Variants in PCDHA6 observed in about 807,000 individuals in gnomAD.
PCDHA6 encodes protocadherin alpha-6.
Under a neutral mutation model 60.3 loss-of-function variants are expected in PCDHA6, and 55 were observed. The ratio of observed to expected loss-of-function variants is 0.91; its 90% confidence interval spans 0.73 to 1.14. The LOEUF (loss-of-function observed/expected upper bound fraction) is 1.14. PCDHA6 is among the 50% of genes most tolerant of loss of function. PCDHA6 has a pLI of 0.00. For synonymous variants in PCDHA6, 652 were observed against 557.9 expected (o/e 1.17, Z -2.38); for missense variants, 1,327 against 1,256.5 (o/e 1.06, Z -0.85).
chr5:140,834,112 T>C, intron 1 of PCDHA6: 1 of 411,244 alleles, frequency 2.4e-6, no homozygotes. Flanking sequence ...AATTCAGAGT[T>C]TGAAATAAAA....
At chr5:140,841,688 G>A in intron 1 of PCDHA6, 1 of 1,613,948 alleles carries the variant, frequency 6.2e-7, no homozygotes, top group Non-Finnish European at 8.5e-7. Flanking sequence ...GGACGTGGAG[G>A]TGAAGGATGT....
At chr5:140,999,001 C>T (rs1405051280) in intron 3 of PCDHA6, among the ~76,000 whole-genome samples, 3 of 152,214 alleles carry the variant, frequency 2.0e-5, no homozygotes, top group Non-Finnish European at 4.4e-5. Flanking sequence ...AATGCTGGAG[C>T]TGAGATTTGA....
At chr5:140,947,907 C>T (rs2094191786) in intron 1 of PCDHA6, among the ~76,000 whole-genome samples, 1 of 151,546 alleles carries the variant, frequency 6.6e-6, no homozygotes, top group African/African-American at 2.4e-5. Context: ...TGAGAGCAGA[C>T]ATTCTTGCCT....
intron 2 of PCDHA6, among the ~76,000 whole-genome samples, chr5:140,979,586 C>T (rs1554240859): frequency 6.6e-6 from 1 of 152,188 alleles, no homozygotes; most frequent in Admixed American, 6.5e-5. Context: ...CCAAATCTAG[C>T]TTACTTTAAA....
intron 1 of PCDHA6, chr5:140,858,242 C>G (rs1554151322): frequency 6.3e-7 from 1 of 1,596,300 alleles, no homozygotes; most frequent in Non-Finnish European, 8.6e-7. Flanking sequence ...CGCATGTGGG[C>G]CGGTGAAGCC....
In PCDHA6 at chr5:140,857,556, T is replaced by C. The variant is rs781993692; in HGVS notation, c.2394+27071T>C. ...GAGCGGCGGTTGGGCGAGCGCTCGC[T>C]GTCGAGCTACGTGTCGGTGCACGCG... On this transcript the variant is annotated intron_variant, in intron 1 of 3. Coordinates refer to ENST00000529310, the MANE Select transcript of PCDHA6 (RefSeq NM_018909.4). 6 of 1,596,822 alleles carry C rather than the reference T, an allele frequency of 3.8e-6. No homozygotes were observed. In the Admixed American group the frequency reaches 1.0e-4, roughly 27 times the overall value.
intron 1 of PCDHA6, among the ~76,000 whole-genome samples, chr5:140,938,949 G>A (rs943956831): frequency 6.6e-6 from 1 of 152,028 alleles, no homozygotes; most frequent in Non-Finnish European, 1.5e-5. Flanking sequence ...TTCTTATAAT[G>A]CTCTAGTCGG....
intron 1 of PCDHA6, among the ~76,000 whole-genome samples, chr5:140,832,585 T>C (rs1306103831): frequency 6.6e-6 from 1 of 152,188 alleles, no homozygotes; most frequent in African/African-American, 2.4e-5. Context: ...TCTTAGGAAG[T>C]AGAGAACTAT....
chr5:140,872,909 G>A (rs1214412416), intron 1 of PCDHA6, among the ~76,000 whole-genome samples: 7 of 152,076 alleles, frequency 4.6e-5, no homozygotes, highest in African/African-American at 1.7e-4. Flanking sequence ...GCTCTATCTT[G>A]TAATGCCTTA....
At chr5:140,894,151 A>G (rs1554185957) in intron 1 of PCDHA6, among the ~76,000 whole-genome samples, 1 of 152,034 alleles carries the variant, frequency 6.6e-6, no homozygotes, top group Non-Finnish European at 1.5e-5. Flanking sequence ...CTTCTATGTA[A>G]TTATCCCTGA....
intron 1 of PCDHA6, among the ~76,000 whole-genome samples, chr5:140,959,052 A>C (rs992294371): frequency 3.3e-5 from 5 of 152,078 alleles, no homozygotes; most frequent in Admixed American, 6.6e-5. Context: ...ATAGGAAAAA[A>C]TGCAGTATAT....
intron 1 of PCDHA6, chr5:140,856,399 T>C (rs782023286): frequency 6.3e-7 from 1 of 1,598,492 alleles, no homozygotes; most frequent in Non-Finnish European, 8.6e-7. Context: ...AGGTTTTCCA[T>C]GTGGACGTGG....
intron 1 of PCDHA6, chr5:140,877,152 C>A (rs1662783035): frequency 6.2e-7 from 1 of 1,613,688 alleles, no homozygotes; most frequent in Non-Finnish European, 8.5e-7. Context: ...ACGAGAACGA[C>A]AACGCGCCGG....
intron 1 of PCDHA6, among the ~76,000 whole-genome samples, chr5:140,879,771 G>A (rs1413027496): frequency 6.6e-6 from 1 of 152,156 alleles, no homozygotes; most frequent in Admixed American, 6.5e-5. Flanking sequence ...GGAGGCCCCA[G>A]GGAAGAATCT....
chr5:140,853,779 T>G lies in PCDHA6; in HGVS notation c.2394+23294T>G, dbSNP rs958716488. On this transcript the variant is annotated intron_variant, in intron 1 of 3. Coordinates refer to ENST00000529310, the MANE Select transcript of PCDHA6 (RefSeq NM_018909.4). ...ACCTCAGAAATTCTGAAATGGGTAG[T>G]AAGAGCAAATTTTCATTTTAAAGCA... 3.5e-5 allele frequency: 35 copies of G among 987,624 alleles called. No individual in the cohort carries two copies. In the African/African-American group the frequency reaches 6.2e-4, roughly 17 times the overall value. 61.2% of individuals were successfully genotyped at this position (987,624 alleles called of 1,614,324 possible).
chr5:141,010,226 C>G lies in PCDHA6; in HGVS notation c.*289C>G, dbSNP rs1386050566. The G allele has an allele frequency of 1.3e-6, 2 of 1,551,706 alleles. No individual in the cohort carries two copies. Among genetic ancestry groups the G allele is most frequent in the Non-Finnish European group, 1.7e-6 (2 of 1,147,032 alleles). ...CGCCGCAAAGGAGAGGCTTCCCAGC[C>G]CCGCCAGTGAGAGGTTGGACTCTCT... On this transcript the variant is annotated 3_prime_UTR_variant, in exon 4 of 4. Coordinates refer to ENST00000529310, the MANE Select transcript of PCDHA6 (RefSeq NM_018909.4).
Position 140,858,065 on chromosome 5 carries a change from C to T in PCDHA6, c.2394+27580C>T, listed in dbSNP as rs200661444. 1.2e-3 allele frequency: 1,989 copies of T among 1,597,646 alleles called. 147 individuals carry two copies. Among genetic ancestry groups the T allele is most frequent in the Non-Finnish European group, 1.1e-3 (1,233 of 1,167,558 alleles). Reference sequence around the variant, plus strand: ...GCTTGTGTCGCTTGTGGAGGGCAGCCAGGCACCCAAGGCCTCGTCGCGGGC... The same window carrying T: ...GCTTGTGTCGCTTGTGGAGGGCAGCTAGGCACCCAAGGCCTCGTCGCGGGC... On this transcript the variant is annotated intron_variant, in intron 1 of 3. Transcript: ENST00000529310.
intron 1 of PCDHA6, among the ~76,000 whole-genome samples, chr5:140,951,992 A>G (rs1469467629): frequency 6.6e-6 from 1 of 152,212 alleles, no homozygotes; most frequent in Non-Finnish European, 1.5e-5. Flanking sequence ...AAAACCAGCC[A>G]AAAGAAAGAA....
Position 140,828,024 on chromosome 5 carries a change from C to A in PCDHA6, c.-68C>A. ...GCAGAAGAAATGGATTAATAAATTC[C>A]GGAACATACAGTATTTTATCTTTAT... is the stretch of plus-strand genomic sequence containing the variant. On this transcript the variant is annotated 5_prime_UTR_variant, in exon 1 of 4. Transcript: ENST00000529310. 6.6e-7 allele frequency: 1 copy of A among 1,516,842 alleles called. No homozygotes were observed. The highest frequency in any genetic ancestry group is 8.8e-7 in the Non-Finnish European group (1 of 1,131,950). 94.0% of individuals were successfully genotyped at this position (1,516,842 alleles called of 1,614,324 possible). A position where few individuals can be genotyped will look rare whatever the true frequency, so the allele number is the denominator to read the frequency against.
Sources: gnomAD v4.1 joint callset for allele counts (sites outside exome capture counted in the v4.1 genomes callset) on GRCh38, gnomAD v4.1.1 for gene constraint, MANE v1.5 for transcripts, NCBI Gene and HGNC (gene_info 2026-07-23, HGNC 2026-07-21) for gene names.